The following FYN variants were observed in gnomAD, a reference collection of about 807,000 sequenced individuals.
FYN encodes FYN proto-oncogene, Src family tyrosine kinase.
Under a neutral mutation model 70.2 loss-of-function variants are expected in FYN, and 10 were observed. The ratio of observed to expected loss-of-function variants is 0.14; its 90% CI spans 0.09 to 0.24. FYN has a LOEUF of 0.24. FYN is among the 10% of genes least tolerant of loss of function. FYN has a pLI of 1.00. For synonymous variants in FYN, 236 were observed against 248.6 expected, an observed-to-expected ratio of 0.95 and a Z score of 0.48; for missense variants, 319 against 673.1, an observed-to-expected ratio of 0.47 and a Z score of 5.82.
At chr6:111,864,536 A>T (rs1774051756) in intron 1 of FYN, among the ~76,000 whole-genome samples, 1 of 149,486 alleles carries the variant, frequency 6.7e-6, no homozygotes, top group South Asian at 2.1e-4. Context: ...TGGTTCCCTC[A>T]GCCTTACGAA....
intron 9 of FYN, chr6:111,696,752 T>C (rs538441071): frequency 2.0e-4 from 53 of 260,920 alleles, no homozygotes; most frequent in South Asian, 3.9e-4. Context: ...TGATTACACA[T>C]TTATACCAAA....
chr6:111,804,164 G>C (rs1282760937), intron 2 of FYN, among the ~76,000 whole-genome samples: 1 of 152,186 alleles, frequency 6.6e-6, no homozygotes, highest in Non-Finnish European at 1.5e-5. Flanking sequence ...TTTAAAGGCA[G>C]GAAGAGACAT....
At chr6:111,682,832 G>A (rs1489536279) in intron 12 of FYN, among the ~76,000 whole-genome samples, 2 of 152,208 alleles carry the variant, frequency 1.3e-5, no homozygotes, top group African/African-American at 4.8e-5. Flanking sequence ...TAAGGTTGTG[G>A]TGGGAAGAAC....
intron 3 of FYN, among the ~76,000 whole-genome samples, chr6:111,762,050 G>A (rs56139160): frequency 3.9e-5 from 6 of 152,198 alleles, no homozygotes; most frequent in Non-Finnish European, 8.8e-5. Context: ...TCAACACGTA[G>A]GCTGTGTGTA....
At chr6:111,742,907 C>A (rs368659911) in intron 3 of FYN, among the ~76,000 whole-genome samples, 4 of 151,884 alleles carry the variant, frequency 2.6e-5, no homozygotes, top group Non-Finnish European at 4.4e-5. Flanking sequence ...TGGTCACACA[C>A]GACCACAAGT....
intron 2 of FYN, among the ~76,000 whole-genome samples, chr6:111,784,162 AAGCTGGTCCAG>A (rs1351037648): frequency 6.6e-6 from 1 of 152,190 alleles, no homozygotes; most frequent in Non-Finnish European, 1.5e-5. Flanking sequence ...TATAAGGATA[AAGCTGGTCCAG>A]AGACAGAACA....
chr6:111,701,450 T>C (rs1223344239), intron 8 of FYN, among the ~76,000 whole-genome samples: 1 of 152,170 alleles, frequency 6.6e-6, no homozygotes, highest in Non-Finnish European at 1.5e-5. Flanking sequence ...CTGAGATGTT[T>C]AGGTAGGAAA....
chr6:111,836,498 T>C (rs939050921), intron 2 of FYN, among the ~76,000 whole-genome samples: 5 of 152,146 alleles, frequency 3.3e-5, no homozygotes, highest in Non-Finnish European at 5.9e-5. Flanking sequence ...TGCGCGGTGG[T>C]TCATGTCTGT....
chr6:111,702,323 G>A (rs1037342032), intron 8 of FYN: 1 of 152,078 alleles, frequency 6.6e-6, no homozygotes. Flanking sequence ...AGAAACTGAT[G>A]TACATTATAA....
chr6:111,711,580 A>G (rs1368207610), intron 5 of FYN, among the ~76,000 whole-genome samples: 3 of 151,868 alleles, frequency 2.0e-5, no homozygotes, highest in Non-Finnish European at 4.4e-5. Flanking sequence ...GTTGTACTTT[A>G]ACAAAGCCAG....
At chr6:111,779,744 C>T (rs751515178) in intron 3 of FYN, among the ~76,000 whole-genome samples, 7 of 152,166 alleles carry the variant, frequency 4.6e-5, no homozygotes, top group Non-Finnish European at 1.0e-4. Context: ...TCCCCAGCTG[C>T]CTTCCTGCTG....
intron 3 of FYN, among the ~76,000 whole-genome samples, chr6:111,754,071 T>A (rs1024242190): frequency 6.6e-6 from 1 of 152,190 alleles, no homozygotes; most frequent in African/African-American, 2.4e-5. Flanking sequence ...TTGATTTTTT[T>A]AAATGCAATG....
intron 2 of FYN, among the ~76,000 whole-genome samples, chr6:111,825,879 G>C (rs111348281): frequency 1.5e-4 from 23 of 152,282 alleles, no homozygotes; most frequent in African/African-American, 5.5e-4. Context: ...AGAAAGACAA[G>C]TCAAGATGTG....
intron 1 of FYN, among the ~76,000 whole-genome samples, chr6:111,851,773 A>G (rs1053279057): frequency 6.6e-6 from 1 of 152,206 alleles, no homozygotes; most frequent in Non-Finnish European, 1.5e-5. Flanking sequence ...TGAATAAAGC[A>G]GGTAAGATGA....
At chr6:111,809,766 T>C (rs1772265706) in intron 2 of FYN, among the ~76,000 whole-genome samples, 1 of 152,138 alleles carries the variant, frequency 6.6e-6, no homozygotes, top group South Asian at 2.1e-4. Flanking sequence ...GAATATCGGT[T>C]TTCTACTTGA....
intron 3 of FYN, among the ~76,000 whole-genome samples, chr6:111,729,710 G>C (rs1382355848): frequency 6.6e-6 from 1 of 152,112 alleles, no homozygotes; most frequent in Non-Finnish European, 1.5e-5. Flanking sequence ...GAAATTATCA[G>C]CAATATGGAA....
intron 1 of FYN, among the ~76,000 whole-genome samples, chr6:111,872,298 C>T (rs1774298489): frequency 6.6e-6 from 1 of 151,098 alleles, no homozygotes; most frequent in South Asian, 2.1e-4. Flanking sequence ...GAGAGGAAAT[C>T]CAGCGAGGGA....
intron 3 of FYN, among the ~76,000 whole-genome samples, chr6:111,763,446 T>C (rs192274323): frequency 9.9e-4 from 151 of 152,338 alleles, no homozygotes; most frequent in Non-Finnish European, 1.9e-3. Flanking sequence ...TTCAACCAAG[T>C]CTCAAAGCTC....
intron 5 of FYN, among the ~76,000 whole-genome samples, chr6:111,709,260 A>G (rs706875): frequency 0.13 from 20,084 of 152,030 alleles, 2,563 homozygotes; most frequent in African/African-American, 0.33. Context: ...AAAATGTGTT[A>G]GCTTCTGGCC....
Sources: allele counts gnomAD v4.1 joint callset (sites outside exome capture counted in the v4.1 genomes callset), GRCh38; gene constraint gnomAD v4.1.1; transcripts MANE v1.5; gene names NCBI Gene and HGNC (gene_info 2026-07-23, HGNC 2026-07-21).